The following INPP4A variants were observed in gnomAD, a reference collection of about 807,000 sequenced individuals.
INPP4A encodes the protein inositol polyphosphate-4-phosphatase type I A.
A neutral mutation model predicts 119.8 loss-of-function variants in INPP4A; 33 were observed. That is an observed-to-expected ratio of 0.28 (90% confidence interval 0.21 to 0.37). INPP4A has a LOEUF of 0.37. INPP4A is among the 10% of genes least tolerant of loss of function. The pLI is 1.00. For synonymous variants in INPP4A, 496 were observed against 500.7 expected, an observed-to-expected ratio of 0.99 and a Z score of 0.12; for missense variants, 956 against 1,289.9, an observed-to-expected ratio of 0.74 and a Z score of 3.97.
chr2:98,552,646 A>G (rs1436988007), intron 13 of INPP4A, 140 bp from the exon 14 acceptor site: 1 of 779,750 alleles, frequency 1.3e-6, no homozygotes, highest in Non-Finnish European at 2.3e-6. Context: ...TTGCTCATCA[A>G]CAACTAGAGT....
intron 23 of INPP4A, among the ~76,000 whole-genome samples, chr2:98,574,816 A>G (rs1019544097): frequency 2.0e-5 from 3 of 152,172 alleles, no homozygotes; most frequent in African/African-American, 7.2e-5. Flanking sequence ...GTCTATTGCC[A>G]TATAATAGAA....
intron 8 of INPP4A, among the ~76,000 whole-genome samples, chr2:98,538,439 A>G (rs1247793875): frequency 6.6e-6 from 1 of 152,040 alleles, no homozygotes; most frequent in Admixed American, 6.6e-5. Context: ...CTCTCTAGCT[A>G]CACCCTCCTG....
intron 5 of INPP4A, 103 bp downstream of exon 5, chr2:98,533,598 T>G: frequency 1.4e-6 from 1 of 723,076 alleles, no homozygotes; most frequent in South Asian, 1.6e-5. Context: ...GAAGCTGTAT[T>G]TACGTGAGTT....
At chr2:98,539,823 C>A (rs763699688) in intron 10 of INPP4A, 148 bp downstream of exon 10, 21 of 745,664 alleles carry the variant, frequency 2.8e-5, no homozygotes, top group Non-Finnish European at 4.0e-5. Context: ...CTTGGCTTGC[C>A]TAAGCCTCAG....
At chr2:98,469,983 A>G (rs1675650746) in intron 1 of INPP4A, among the ~76,000 whole-genome samples, 1 of 152,212 alleles carries the variant, frequency 6.6e-6, no homozygotes, top group Middle Eastern at 3.2e-3. Context: ...TCTGCTGTGC[A>G]CCAAGGAGGG....
chr2:98,527,605 A>G (rs1233344095), intron 4 of INPP4A, among the ~76,000 whole-genome samples: 2 of 152,226 alleles, frequency 1.3e-5, no homozygotes, highest in African/African-American at 4.8e-5. Flanking sequence ...GCCCTAAACA[A>G]TTACCTGAGA....
intron 1 of INPP4A, among the ~76,000 whole-genome samples, chr2:98,464,157 G>C (rs1042871472): frequency 3.9e-5 from 6 of 152,158 alleles, no homozygotes; most frequent in Non-Finnish European, 5.9e-5. Context: ...GCTTGATGAA[G>C]GGGACAGTCT....
rs1700492598 is a variant in INPP4A at position 98,593,612 on chromosome 2, G to C, written c.*6004G>C. Reference sequence around the variant, plus strand: ...AGGTCCAGATTACCTATACATCTAAGCACCATGCCTGTCTTGCAGGCATCT... The same window carrying C: ...AGGTCCAGATTACCTATACATCTAACCACCATGCCTGTCTTGCAGGCATCT... On this transcript the variant is annotated 3_prime_UTR_variant, in exon 25 of 25. Transcript: ENST00000409851. 6.6e-6 allele frequency: 1 copy of C among 152,266 alleles called. No individual in the cohort carries two copies. Among genetic ancestry groups the C allele is most frequent in the Non-Finnish European group, 1.5e-5 (1 of 68,122 alleles). The allele number at this position is 152,266 out of a possible 1,614,324, so 9.4% of individuals were successfully genotyped here. A position where few individuals can be genotyped will look rare whatever the true frequency, so the allele number is the denominator to read the frequency against.
At chr2:98,477,404 G>A (rs1202912320) in intron 1 of INPP4A, among the ~76,000 whole-genome samples, 1 of 152,252 alleles carries the variant, frequency 6.6e-6, no homozygotes, top group Non-Finnish European at 1.5e-5. Flanking sequence ...GGGAGTCCTA[G>A]TACTGAGCAA....
intron 17 of INPP4A, 109 bp from the exon 18 acceptor site, chr2:98,563,356 G>T: frequency 2.0e-6 from 2 of 977,564 alleles, no homozygotes; most frequent in Admixed American, 4.6e-5. Flanking sequence ...GTGGAGATGG[G>T]GGAGTGGGAG....
At chr2:98,483,562 G>T (rs1045423579) in intron 1 of INPP4A, among the ~76,000 whole-genome samples, 1 of 152,186 alleles carries the variant, frequency 6.6e-6, no homozygotes, top group African/African-American at 2.4e-5. Flanking sequence ...AGTGGGAAGG[G>T]CAGGCTAGTC....
chr2:98,459,502 G>A (rs1192556681), intron 1 of INPP4A, among the ~76,000 whole-genome samples: 5 of 152,198 alleles, frequency 3.3e-5, no homozygotes, highest in African/African-American at 1.2e-4. Context: ...CTGGTTAATA[G>A]TAATTCCTTG....
intron 1 of INPP4A, among the ~76,000 whole-genome samples, chr2:98,458,484 T>C (rs1185190669): frequency 6.6e-6 from 1 of 152,234 alleles, no homozygotes; most frequent in African/African-American, 2.4e-5. Flanking sequence ...GCCTAGTGAT[T>C]ATCTTCCAGA....
intron 1 of INPP4A, among the ~76,000 whole-genome samples, chr2:98,475,862 T>C (rs1677098392): frequency 6.6e-6 from 1 of 152,264 alleles, no homozygotes; most frequent in South Asian, 2.1e-4. Flanking sequence ...TAATTTTAAA[T>C]AACAGTGTGG....
intron 1 of INPP4A, among the ~76,000 whole-genome samples, chr2:98,513,720 TG>T (rs2105595904): frequency 6.6e-6 from 1 of 152,360 alleles, no homozygotes; most frequent in South Asian, 2.1e-4. Context: ...ACCTTGGGCT[TG>T]GCCATTCTGG....
chr2:98,504,446 G>A (rs1683670837), intron 1 of INPP4A, among the ~76,000 whole-genome samples: 1 of 152,212 alleles, frequency 6.6e-6, no homozygotes, highest in Non-Finnish European at 1.5e-5. Flanking sequence ...ACCACTTTGT[G>A]TTTCCATGGG....
chr2:98,578,810 C>G (rs1226279097), intron 24 of INPP4A, among the ~76,000 whole-genome samples: 2 of 152,262 alleles, frequency 1.3e-5, no homozygotes, highest in Non-Finnish European at 2.9e-5. Flanking sequence ...TCAGAACCCT[C>G]CCACAAAGAA....
At chr2:98,468,819 G>A (rs1357453760) in intron 1 of INPP4A, among the ~76,000 whole-genome samples, 2 of 152,044 alleles carry the variant, frequency 1.3e-5, no homozygotes, top group Non-Finnish European at 2.9e-5. Context: ...GAGATTGAGA[G>A]CCAGAGAGAC....
At chr2:98,567,787 C>T (rs1696740296) in intron 21 of INPP4A, among the ~76,000 whole-genome samples, 1 of 152,144 alleles carries the variant, frequency 6.6e-6, no homozygotes, top group Non-Finnish European at 1.5e-5. Context: ...AGGGATGGCC[C>T]CCAAGGGAGC....
Sources: allele counts gnomAD v4.1 joint callset (sites outside exome capture counted in the v4.1 genomes callset), GRCh38; gene constraint gnomAD v4.1.1; transcripts MANE v1.5; gene names NCBI Gene and HGNC (gene_info 2026-07-23, HGNC 2026-07-21).